Variants in PCNX1 observed in about 807,000 individuals in gnomAD.
The protein encoded by PCNX1 is pecanex 1.
In PCNX1, 78 loss-of-function variants were observed where a neutral mutation model predicts 242.2. The observed-to-expected ratio is 0.32, with a 90% CI of 0.27 to 0.39. PCNX1 has a LOEUF of 0.39. Ranked by LOEUF, PCNX1 falls within the 10% of genes least tolerant of loss-of-function variation. The pLI is 1.00. For synonymous variants in PCNX1, 1,024 were observed against 1,032.9 expected (o/e 0.99, Z 0.17); for missense variants, 2,581 against 2,856.5 (o/e 0.90, Z 2.20).
intron 19 of PCNX1, among the ~76,000 whole-genome samples, chr14:71,039,574 G>C (rs376867744): frequency 1.1e-4 from 16 of 152,146 alleles, no homozygotes; most frequent in Admixed American, 3.3e-4. Context: ...TCCATATTCT[G>C]TTGTGCACAT....
chr14:71,003,080 C>CTTTTTTTTTTTTTTTTTTTTTTTTTT lies in PCNX1; in HGVS notation c.2630-6534_2630-6533insTTTTTTTTTTTTTTTTTTTTTTTTTT, dbSNP rs3083307. ...TAAAAATCGGGTTGTTGGTTGTCTT[C>CTTTTTTTTTTTTTTTTTTTTTTTTTT]TTTTTTTTTTTTTTTTTTTTGAGAC... On this transcript the variant is annotated intron_variant, in intron 8 of 35. Coordinates refer to ENST00000304743, the MANE Select transcript of PCNX1 (RefSeq NM_014982.3). Among the ~76,000 whole-genome samples, 12 of 95,474 alleles carry CTTTTTTTTTTTTTTTTTTTTTTTTTT rather than the reference C, an allele frequency of 1.3e-4. 3 individuals are homozygous for CTTTTTTTTTTTTTTTTTTTTTTTTTT. Among genetic ancestry groups the CTTTTTTTTTTTTTTTTTTTTTTTTTT allele is most frequent in the African/African-American group, 5.6e-4 (12 of 21,300 alleles). 62.6% of individuals were successfully genotyped at this position (95,474 alleles called of 152,430 possible).
chr14:71,011,227 A>G (rs1220511799), intron 9 of PCNX1, among the ~76,000 whole-genome samples: 1 of 152,174 alleles, frequency 6.6e-6, no homozygotes, highest in Non-Finnish European at 1.5e-5. Context: ...ACCTTGTGAT[A>G]CAGATACTAT....
In PCNX1 at chr14:71,052,000, A is replaced by G. The variant is rs1382480815; in HGVS notation, c.4565A>G (p.Glu1522Gly). 1 of 1,612,792 alleles carries G rather than the reference A, an allele frequency of 6.2e-7. No homozygotes were observed. The highest frequency in any genetic ancestry group is 8.5e-7 in the Non-Finnish European group (1 of 1,179,278). Residue 1522 changes from glutamate (E) to glycine (G), a missense_variant, in exon 24 of 36, where the codon GAG (glutamate) becomes GGG (glycine). Coordinates refer to ENST00000304743, the MANE Select transcript of PCNX1 (RefSeq NM_014982.3). ...TATGTCCGACCTGTGAAATTCTGGG[A>G]GAGAGACTATAAGTGAGTAAAGTAA... ...TSYVRPVKFW[E>G]RDYNTKRVDH...
At chr14:70,980,000 T>C (rs1267173050) in intron 6 of PCNX1, among the ~76,000 whole-genome samples, 1 of 151,770 alleles carries the variant, frequency 6.6e-6, no homozygotes, top group Non-Finnish European at 1.5e-5. Flanking sequence ...GAAATGCTTG[T>C]AGTGATTTCT....
intron 1 of PCNX1, among the ~76,000 whole-genome samples, chr14:70,940,561 T>C (rs1228158905): frequency 6.6e-6 from 1 of 152,214 alleles, no homozygotes; most frequent in Non-Finnish European, 1.5e-5. Flanking sequence ...CCCTTAATAT[T>C]TTTTTCTTCA....
At chr14:71,011,235 T>C (rs751492791) in intron 9 of PCNX1, among the ~76,000 whole-genome samples, 2 of 152,298 alleles carry the variant, frequency 1.3e-5, no homozygotes, top group South Asian at 2.1e-4. Context: ...ATACAGATAC[T>C]ATTGTCATAT....
In PCNX1 at chr14:70,907,861, A is replaced by C. The variant is rs747653448; in HGVS notation, c.11A>C (p.Gln4Pro). 6.3e-6 allele frequency: 9 copies of C among 1,429,156 alleles called. No homozygotes were observed. In the African/African-American group the frequency reaches 1.2e-4, roughly 19 times the overall value. The allele number at this position is 1,429,156 out of a possible 1,614,324, so 88.5% of individuals were successfully genotyped here. MGS[Q>P]TLQILRQGVW... ...CGGCGCCGGGTGGGGATGGGGTCGC[A>C]GACGCTGCAGATCCTCCGACAGGGG... Residue 4 changes from glutamine to proline, a missense_variant, in exon 1 of 36, where the codon CAG (glutamine) becomes CCG (proline). This residue lies in a region of PCNX1 where 1,204 missense variants were observed against 1,216.7 expected (regional missense o/e 0.99). Coordinates refer to ENST00000304743, the MANE Select transcript of PCNX1 (RefSeq NM_014982.3).
Position 71,102,007 on chromosome 14 carries a change from A to G in PCNX1, c.5607A>G (p.Pro1869=), listed in dbSNP as rs1256740409. ...IKLHQDHFTS[P]DEYDDPTVLY... ...GTATTTAGGATCATTTTACTTCTCC[A>G]GATGAATATGATGACCCTACTGTGC... Residue 1869 remains proline, a synonymous_variant, in exon 31 of 36, where the codon CCA becomes CCG. Transcript: ENST00000304743. The G allele has an allele frequency of 1.9e-6, 3 of 1,589,256 alleles. No individual in the cohort carries two copies. The highest frequency in any genetic ancestry group is 1.7e-5 in the Admixed American group (1 of 58,744).
intron 18 of PCNX1, among the ~76,000 whole-genome samples, chr14:71,034,295 T>C (rs140985610): frequency 6.6e-6 from 1 of 152,326 alleles, no homozygotes; most frequent in East Asian, 1.9e-4. Context: ...AGTCATTTCA[T>C]TGGCCATAGA....
chr14:71,003,817 C>G (rs1435995305), intron 8 of PCNX1, among the ~76,000 whole-genome samples: 4 of 152,194 alleles, frequency 2.6e-5, no homozygotes, highest in Non-Finnish European at 5.9e-5. Context: ...TCTTTCCTTA[C>G]CAGTCCCCAA....
intron 7 of PCNX1, among the ~76,000 whole-genome samples, chr14:70,989,654 C>T (rs916216566): frequency 6.6e-6 from 1 of 151,624 alleles, no homozygotes; most frequent in Non-Finnish European, 1.5e-5. Flanking sequence ...CTCAGCCTCC[C>T]GAGGAGCTGG....
chr14:70,929,864 A>G (rs1475546801), intron 1 of PCNX1, among the ~76,000 whole-genome samples: 1 of 152,242 alleles, frequency 6.6e-6, no homozygotes, highest in African/African-American at 2.4e-5. Context: ...CATGAAATAG[A>G]GTAGAAAGGA....
intron 5 of PCNX1, among the ~76,000 whole-genome samples, chr14:70,974,148 T>C (rs1186757030): frequency 6.6e-6 from 1 of 151,878 alleles, no homozygotes; most frequent in African/African-American, 2.4e-5. Flanking sequence ...TATGGCTAAC[T>C]GTGGTATATC....
At chr14:70,973,577 A>G (rs372886766) in intron 5 of PCNX1, among the ~76,000 whole-genome samples, 3 of 152,004 alleles carry the variant, frequency 2.0e-5, no homozygotes, top group East Asian at 1.9e-4. Flanking sequence ...AATACAGACA[A>G]CTCTTTCAGT....
At position 71,098,944 on chromosome 14, in the gene PCNX1, T is replaced by A. The variant is rs114752195; in HGVS notation, c.5590-3046T>A. ...ATGAGGGCTGTGGGTTTGTCATAGA[T>A]GCTGCATCCTGGAGATTTTGGCATG... On this transcript the variant is annotated intron_variant, in intron 30 of 35. Transcript: ENST00000304743. 8.5e-3 allele frequency among the ~76,000 whole-genome samples: 1,298 copies of A among 152,288 alleles called. 21 individuals carry two copies. Among genetic ancestry groups the A allele is most frequent in the African/African-American group, 0.03 (1,251 of 41,544 alleles).
chr14:71,012,737 G>C, intron 10 of PCNX1: 1 of 400,946 alleles, frequency 2.5e-6, no homozygotes, highest in Non-Finnish European at 4.6e-6. Flanking sequence ...GGAGGCTGAG[G>C]CAGAGAATTG....
At chr14:71,082,856 A>G (rs932651781) in intron 28 of PCNX1, among the ~76,000 whole-genome samples, 1 of 152,138 alleles carries the variant, frequency 6.6e-6, no homozygotes, top group African/African-American at 2.4e-5. Flanking sequence ...ATTTAAGGTT[A>G]ATATTGTTAT....
chr14:70,919,692 T>G (rs562769348), intron 1 of PCNX1, among the ~76,000 whole-genome samples: 1 of 122,388 alleles, frequency 8.2e-6, no homozygotes. Context: ...TGATTCTGGT[T>G]CCTCTGGTTT....
chr14:70,940,769 A>C (rs558795063), intron 1 of PCNX1, among the ~76,000 whole-genome samples: 3 of 152,304 alleles, frequency 2.0e-5, no homozygotes, highest in Non-Finnish European at 4.4e-5. Flanking sequence ...TACACCAGTC[A>C]GACATAGATT....
Sources: allele counts gnomAD v4.1 joint callset (sites outside exome capture counted in the v4.1 genomes callset), GRCh38; gene constraint gnomAD v4.1.1; regional missense constraint gnomAD v4.1.1; transcripts MANE v1.5; gene names NCBI Gene and HGNC (gene_info 2026-07-23, HGNC 2026-07-21).